VPS13B: variants seen among roughly 807,000 people sequenced by gnomAD.
VPS13B encodes intermembrane lipid transfer protein VPS13B.
A neutral mutation model predicts 426.4 loss-of-function variants in VPS13B; 285 were observed. The ratio of observed to expected loss-of-function variants is 0.67; its 90% CI spans 0.61 to 0.74. The LOEUF (loss-of-function observed/expected upper bound fraction) is 0.74. Among genes scored for constraint, VPS13B ranks in the 30% least tolerant of loss-of-function variants. VPS13B has a pLI of 0.00. For synonymous variants in VPS13B, 1,676 were observed against 1,676.4 expected, an observed-to-expected ratio of 1.00 and a Z score of 0.01; for missense variants, 4,537 against 4,782.6, an observed-to-expected ratio of 0.95 and a Z score of 1.51.
At position 99,156,746 on chromosome 8, in the gene VPS13B, A is replaced by G. The variant is rs1442269472; in HGVS notation, c.2208+3A>G. 4 of 1,613,790 alleles carry G rather than the reference A, an allele frequency of 2.5e-6. No individual in the cohort carries two copies. Among genetic ancestry groups the G allele is most frequent in the African/African-American group, 1.3e-5 (1 of 74,942 alleles). On this transcript the variant is annotated splice_donor_region_variant and intron_variant, in intron 15 of 61. Transcript: ENST00000357162. The stretch of plus-strand genomic sequence containing the variant: ...GTTATGTACACTGCTATCTTAAGGT[A>G]TGAAAAGTGAATTTTCTTGTTTGTT...
chr8:99,854,315 T>G (rs1816443508), intron 56 of VPS13B, 59 bp downstream of exon 56: 2 of 1,562,070 alleles, frequency 1.3e-6, no homozygotes, highest in East Asian at 2.3e-5. Flanking sequence ...ATGACACGCT[T>G]GGGGGTAGCA....
rs191662501 is a variant in VPS13B, at chr8:99,053,285, C to G, written c.291+14719C>G. Among the ~76,000 whole-genome samples the G allele has an allele frequency of 2.8e-4, 43 of 152,142 alleles. No individual in the cohort carries two copies. In the East Asian group the frequency reaches 6.6e-3, roughly 23 times the overall value. On this transcript the variant is annotated intron_variant, in intron 3 of 61. Transcript: ENST00000357162. The stretch of plus-strand genomic sequence containing the variant: ...AGGTATATCTCCTAATGCTATCCCT[C>G]CCCGCTCCCCGCACCCCACAACAGT...
chr8:99,626,272 T>A (rs1210596318), intron 33 of VPS13B, among the ~76,000 whole-genome samples: 1 of 152,128 alleles, frequency 6.6e-6, no homozygotes, highest in Non-Finnish European at 1.5e-5. Flanking sequence ...AAAAAAGCAA[T>A]AAGGTACATG....
chr8:99,653,325 A>G (rs1400892144), intron 34 of VPS13B, among the ~76,000 whole-genome samples: 1 of 152,198 alleles, frequency 6.6e-6, no homozygotes, highest in Non-Finnish European at 1.5e-5. Context: ...AATCATCAAC[A>G]TTTACTTAAA....
At chr8:99,753,561 A>C (rs1194321357) in intron 39 of VPS13B, among the ~76,000 whole-genome samples, 1 of 152,162 alleles carries the variant, frequency 6.6e-6, no homozygotes, top group Non-Finnish European at 1.5e-5. Flanking sequence ...GTATATTTTT[A>C]TTCTTTCTCT....
chr8:99,116,548 C>G (rs570696397), intron 7 of VPS13B, among the ~76,000 whole-genome samples: 1 of 152,214 alleles, frequency 6.6e-6, no homozygotes, highest in East Asian at 1.9e-4. Context: ...ATCCTTCTAC[C>G]CCAGCCTTCC....
intron 54 of VPS13B, among the ~76,000 whole-genome samples, chr8:99,847,471 C>G (rs1311951145): frequency 6.6e-6 from 1 of 152,098 alleles, no homozygotes; most frequent in Non-Finnish European, 1.5e-5. Context: ...GCTGTATGCA[C>G]CAGGACATAC....
At chr8:99,219,960 A>G (rs1222162639) in intron 17 of VPS13B, among the ~76,000 whole-genome samples, 1 of 152,184 alleles carries the variant, frequency 6.6e-6, no homozygotes, top group African/African-American at 2.4e-5. Context: ...AGCCAGTTGT[A>G]ATGTCTCTCT....
chr8:99,367,177 G>A (rs1041762145), intron 19 of VPS13B, among the ~76,000 whole-genome samples: 1 of 152,150 alleles, frequency 6.6e-6, no homozygotes, highest in African/African-American at 2.4e-5. Context: ...TTTCTTTTAG[G>A]ACAGGTCTGG....
At chr8:99,496,754 A>G (rs1407883938) in intron 25 of VPS13B, among the ~76,000 whole-genome samples, 3 of 152,146 alleles carry the variant, frequency 2.0e-5, no homozygotes, top group Admixed American at 2.0e-4. Context: ...CTTCCCTTAC[A>G]GGATACTTTC....
At chr8:99,488,733 G>A (rs1464724511) in intron 25 of VPS13B, among the ~76,000 whole-genome samples, 1 of 151,824 alleles carries the variant, frequency 6.6e-6, no homozygotes, top group Non-Finnish European at 1.5e-5. Flanking sequence ...TGGAACCTCT[G>A]GAAGAGACTT....
intron 40 of VPS13B, among the ~76,000 whole-genome samples, chr8:99,768,405 G>A (rs1811333162): frequency 6.6e-6 from 1 of 152,060 alleles, no homozygotes; most frequent in African/African-American, 2.4e-5. Context: ...TATAATCATA[G>A]CACACCACTT....
At position 99,776,779 on chromosome 8, in the gene VPS13B, G is replaced by T; in HGVS notation, c.7252G>T (p.Ala2418Ser). The T allele has an allele frequency of 6.2e-7, 1 of 1,613,960 alleles. No homozygotes were observed. Among genetic ancestry groups the T allele is most frequent in the East Asian group, 2.2e-5 (1 of 44,868 alleles). Reference protein sequence around the residue: ...SQNGADDQSSASESGSQSTCD... With the variant: ...SQNGADDQSSSSESGSQSTCD... ...TTTATCACTTCTTTCCCATAGCTCT[G>T]CAAGTGAGTCTGGTTCTCAAAGCAC... The change falls in exon 41 of 62, where the codon GCA becomes TCA. Residue 2418 changes from alanine to serine, a missense_variant. Around this residue, in one of 2 missense-constraint regions of VPS13B, gnomAD observed 4,311 missense variants for 4,474.3 expected, o/e 0.96. Coordinates refer to ENST00000357162, the MANE Select transcript of VPS13B (RefSeq NM_152564.5).
At chr8:99,855,102 G>A (rs1487767709) in intron 56 of VPS13B, among the ~76,000 whole-genome samples, 2 of 152,312 alleles carry the variant, frequency 1.3e-5, no homozygotes, top group Admixed American at 6.5e-5. Context: ...GATAGCAGGC[G>A]CAGTGGCTCA....
intron 20 of VPS13B, among the ~76,000 whole-genome samples, chr8:99,390,884 AGAT>A (rs1303852551): frequency 6.6e-6 from 1 of 152,230 alleles, no homozygotes; most frequent in Non-Finnish European, 1.5e-5. Context: ...CAGTGAATAA[AGAT>A]GAAACAGCTG....
intron 35 of VPS13B, among the ~76,000 whole-genome samples, chr8:99,690,126 T>A (rs1831587734): frequency 6.6e-6 from 1 of 152,210 alleles, no homozygotes; most frequent in Non-Finnish European, 1.5e-5. Context: ...GTGAGTCATT[T>A]TAGCCATCCA....
chr8:99,428,597 C>T (rs1290909962), intron 21 of VPS13B, among the ~76,000 whole-genome samples: 1 of 152,090 alleles, frequency 6.6e-6, no homozygotes, highest in Non-Finnish European at 1.5e-5. Flanking sequence ...CCATCTCACA[C>T]CAGTTAGAAT....
At chr8:99,458,887 G>A (rs1185744408) in intron 23 of VPS13B, among the ~76,000 whole-genome samples, 4 of 152,100 alleles carry the variant, frequency 2.6e-5, no homozygotes, top group African/African-American at 4.8e-5. Context: ...CACTCTGATG[G>A]TAGTTTCTTT....
intron 23 of VPS13B, among the ~76,000 whole-genome samples, chr8:99,448,221 A>C (rs62534583): frequency 4.0e-5 from 6 of 151,382 alleles, no homozygotes; most frequent in South Asian, 2.1e-4. Flanking sequence ...CACATACCAG[A>C]TGGAGAGGGC....
Sources: gnomAD v4.1 joint callset for allele counts (sites outside exome capture counted in the v4.1 genomes callset) on GRCh38, gnomAD v4.1.1 for gene constraint, gnomAD v4.1.1 regional missense constraint, MANE v1.5 for transcripts, NCBI Gene and HGNC (gene_info 2026-07-23, HGNC 2026-07-21) for gene names.